Variants in PCDH7 observed in about 807,000 individuals in gnomAD.
The protein encoded by PCDH7 is protocadherin-7.
A neutral mutation model predicts 58.9 loss-of-function variants in PCDH7; 17 were observed. The ratio of observed to expected loss-of-function variants is 0.29; its 90% confidence interval spans 0.20 to 0.43. The LOEUF (loss-of-function observed/expected upper bound fraction) is 0.43. Ranked by LOEUF, PCDH7 falls within the 20% of genes least tolerant of loss-of-function variation. The probability of loss-of-function intolerance (pLI) is 1.00; values close to 1 mark genes in which losing one functional copy is unlikely to be tolerated. For synonymous variants in PCDH7, 664 were observed against 616.4 expected (o/e 1.08, Z -1.14); for missense variants, 1,274 against 1,441.0 (o/e 0.88, Z 1.88).
intron 3 of PCDH7, among the ~76,000 whole-genome samples, chr4:31,028,917 C>A (rs1453194877): frequency 2.0e-5 from 3 of 152,022 alleles, no homozygotes; most frequent in Non-Finnish European, 4.4e-5. Context: ...GAGGAGCAAC[C>A]CCAAACTGGT....
intron 1 of PCDH7, among the ~76,000 whole-genome samples, chr4:30,756,302 C>G (rs1335443234): frequency 6.6e-6 from 1 of 152,006 alleles, no homozygotes; most frequent in East Asian, 1.9e-4. Context: ...GACCCAGACA[C>G]CTCCCACTAG....
chr4:30,870,073 A>C (rs1735375877), intron 1 of PCDH7, among the ~76,000 whole-genome samples: 1 of 151,994 alleles, frequency 6.6e-6, no homozygotes, highest in African/African-American at 2.4e-5. Flanking sequence ...TGGCATGCAT[A>C]TATGTCTTAT....
intron 2 of PCDH7, among the ~76,000 whole-genome samples, chr4:30,947,698 T>G (rs1746873488): frequency 6.6e-6 from 1 of 152,186 alleles, no homozygotes; most frequent in Non-Finnish European, 1.5e-5. Flanking sequence ...TTTCTTTGTG[T>G]TGGGAACATT....
At chr4:30,808,285 T>C (rs2109311440) in intron 1 of PCDH7, among the ~76,000 whole-genome samples, 1 of 152,342 alleles carries the variant, frequency 6.6e-6, no homozygotes, top group South Asian at 2.1e-4. Flanking sequence ...TTTTTCTTAA[T>C]GGATTTGTTA....
chr4:30,840,973 A>G (rs564673100), intron 1 of PCDH7, among the ~76,000 whole-genome samples: 1 of 152,058 alleles, frequency 6.6e-6, no homozygotes, highest in Non-Finnish European at 1.5e-5. Context: ...AGTTTTTGGG[A>G]ATTCCGATTC....
rs367561363 is a variant in PCDH7 at position 30,743,582 on chromosome 4, T to C, written c.70+18986T>C. 4.9e-4 allele frequency among the ~76,000 whole-genome samples: 74 copies of C among 151,896 alleles called. 2 individuals are homozygous for C. The South Asian group carries it at 0.015, about 30-fold the overall frequency. On this transcript the variant is annotated intron_variant, in intron 1 of 3. Coordinates refer to the PCDH7 transcript ENST00000509759. Reference sequence around the variant, plus strand: ...ATAGATAGGAAGTTGTATCTTTCTGTACTTTTATGATTGACTACATTTTCT... The same window carrying C: ...ATAGATAGGAAGTTGTATCTTTCTGCACTTTTATGATTGACTACATTTTCT...
At chr4:30,899,922 TAAC>T (rs1739991323) in intron 1 of PCDH7, among the ~76,000 whole-genome samples, 1 of 152,154 alleles carries the variant, frequency 6.6e-6, no homozygotes, top group Admixed American at 6.6e-5. Flanking sequence ...ATGTTGATAA[TAAC>T]AATAATAATA....
In PCDH7 at chr4:31,051,498, AT is replaced by A. The variant is rs915455598; in HGVS notation, c.*8-90971del. The stretch of plus-strand genomic sequence containing the variant: ...CCAGCCATAGAATAATAATCCCTGG[AT>A]TTTATATGTAGGTTTTTAAAAATTG... On this transcript the variant is annotated intron_variant, in intron 3 of 3. Coordinates refer to the PCDH7 transcript ENST00000509759. Among the ~76,000 whole-genome samples, 59 of 152,310 alleles carry A rather than the reference AT, an allele frequency of 3.9e-4. No homozygotes were observed. The Middle Eastern group carries it at 0.014, about 35-fold the overall frequency.
intron 1 of PCDH7, among the ~76,000 whole-genome samples, chr4:30,858,188 G>T (rs1733735095): frequency 6.6e-6 from 1 of 151,980 alleles, no homozygotes; most frequent in Non-Finnish European, 1.5e-5. Flanking sequence ...ACAGACTTTT[G>T]CCAGTCTTTT....
At chr4:31,120,584 T>A (rs940919590) in intron 3 of PCDH7, among the ~76,000 whole-genome samples, 2 of 152,146 alleles carry the variant, frequency 1.3e-5, no homozygotes, top group African/African-American at 4.8e-5. Flanking sequence ...CTTAAATTCA[T>A]ATTTATTGAA....
chr4:30,797,361 C>T (rs1003585049), intron 1 of PCDH7, among the ~76,000 whole-genome samples: 10 of 151,856 alleles, frequency 6.6e-5, no homozygotes, highest in African/African-American at 1.9e-4. Flanking sequence ...CAAGTTCCGC[C>T]TCCCGGGTTC....
At chr4:30,920,428 C>T in intron 2 of PCDH7, 59 bp downstream of exon 2, 1 of 1,239,368 alleles carries the variant, frequency 8.1e-7, no homozygotes, top group South Asian at 1.2e-5. Context: ...AATAAGTAGA[C>T]TCGCGAAGGT....
chr4:31,072,107 A>G (rs562392945), intron 3 of PCDH7, among the ~76,000 whole-genome samples: 1 of 152,142 alleles, frequency 6.6e-6, no homozygotes, highest in Non-Finnish European at 1.5e-5. Flanking sequence ...CTAAGAAAAA[A>G]AATAGAACTG....
At chr4:31,121,085 C>A (rs184597757) in intron 3 of PCDH7, among the ~76,000 whole-genome samples, 2 of 152,222 alleles carry the variant, frequency 1.3e-5, no homozygotes, top group East Asian at 1.9e-4. Context: ...CGCTGGTGTG[C>A]TGGATGTAAT....
In PCDH7 at chr4:31,123,412, T is replaced by C. The variant is rs578141618; in HGVS notation, c.*8-19061T>C. Among the ~76,000 whole-genome samples the C allele has an allele frequency of 2.6e-3, 393 of 152,290 alleles. 1 individual carries two copies. Among genetic ancestry groups the C allele is most frequent in the Non-Finnish European group, 3.9e-3 (262 of 68,020 alleles). On this transcript the variant is annotated intron_variant, in intron 3 of 3. Transcript: ENST00000509759. ...AGATCACTTGACCCCCTTGGACTTC[T>C]GAAAGGGGTGGCTTGTTTACTCAGC...
chr4:30,954,279 C>T (rs1747633983), intron 3 of PCDH7, among the ~76,000 whole-genome samples: 2 of 152,012 alleles, frequency 1.3e-5, no homozygotes, highest in East Asian at 3.9e-4. Context: ...TTTTGCTGAC[C>T]CTACCCAAGA....
At chr4:30,856,207 T>G (rs1280918993) in intron 1 of PCDH7, among the ~76,000 whole-genome samples, 1 of 152,068 alleles carries the variant, frequency 6.6e-6, no homozygotes, top group Non-Finnish European at 1.5e-5. Context: ...AAAAAGTAAT[T>G]TTACAAAATT....
chr4:30,872,267 A>G (rs374573267), intron 1 of PCDH7, among the ~76,000 whole-genome samples: 66 of 152,208 alleles, frequency 4.3e-4, no homozygotes, highest in African/African-American at 1.5e-3. Flanking sequence ...GGGACAACTT[A>G]GACCAGGGAT....
At chr4:31,038,291 A>G (rs1222605006) in intron 3 of PCDH7, among the ~76,000 whole-genome samples, 1 of 152,168 alleles carries the variant, frequency 6.6e-6, no homozygotes, top group East Asian at 1.9e-4. Flanking sequence ...ATTGTTCTGT[A>G]TGTTTAGTTC....
Sources: allele counts gnomAD v4.1 joint callset (sites outside exome capture counted in the v4.1 genomes callset), GRCh38; gene constraint gnomAD v4.1.1; transcripts MANE v1.5; gene names NCBI Gene and HGNC (gene_info 2026-07-23, HGNC 2026-07-21).